Variants in ANKS1B observed in about 807,000 individuals in gnomAD.
ANKS1B encodes ankyrin repeat and sterile alpha motif domain containing 1B.
In ANKS1B, 36 loss-of-function variants were observed where a neutral mutation model predicts 148.3. That is an observed-to-expected ratio of 0.24 (90% CI 0.19 to 0.32). The LOEUF is 0.32. Ranked by LOEUF, ANKS1B falls within the 10% of genes least tolerant of loss-of-function variation. ANKS1B has a pLI of 1.00. For missense variants in ANKS1B, 1,157 were observed against 1,542.6 expected (o/e 0.75, Z 4.19); for synonymous variants, 542 against 560.8 (o/e 0.97, Z 0.47).
At chr12:99,248,270 C>T (rs772516040) in intron 12 of ANKS1B, among the ~76,000 whole-genome samples, 3 of 152,178 alleles carry the variant, frequency 2.0e-5, no homozygotes, top group Non-Finnish European at 4.4e-5. Flanking sequence ...TACTGCTCTC[C>T]GCCTGGGAAC....
chr12:99,456,570 TA>T (rs199944426), intron 10 of ANKS1B, among the ~76,000 whole-genome samples: 1 of 151,514 alleles, frequency 6.6e-6, no homozygotes, highest in African/African-American at 2.4e-5. Context: ...ATAGATAGCA[TA>T]AAAAAAATCA....
In ANKS1B at chr12:99,832,554, A is replaced by G. The variant is rs141278659; in HGVS notation, c.135-7165T>C. ...GCCTGGCCAACATGGCAAAAAAAAC[A>G]CTTTACTCAAAATACAAAAATTAGC... On this transcript the variant is annotated intron_variant, in intron 1 of 26. Transcript: ENST00000683438. 7.8e-3 allele frequency among the ~76,000 whole-genome samples: 1,192 copies of G among 151,928 alleles called. 14 individuals are homozygous for G. Among genetic ancestry groups the G allele is most frequent in the African/African-American group, 0.027 (1,126 of 41,410 alleles).
At chr12:99,229,454 A>G (rs527553479) in intron 14 of ANKS1B, among the ~76,000 whole-genome samples, 1 of 151,976 alleles carries the variant, frequency 6.6e-6, no homozygotes, top group Non-Finnish European at 1.5e-5. Flanking sequence ...CCTATATGTG[A>G]TATTTAATTA....
At chr12:99,526,104 G>C (rs1000609351) in intron 9 of ANKS1B, among the ~76,000 whole-genome samples, 6 of 152,116 alleles carry the variant, frequency 3.9e-5, no homozygotes, top group Non-Finnish European at 8.8e-5. Context: ...ATGAAAGCAA[G>C]ATAACACACC....
At chr12:99,489,997 C>T (rs531379327) in intron 10 of ANKS1B, among the ~76,000 whole-genome samples, 4 of 152,224 alleles carry the variant, frequency 2.6e-5, no homozygotes, top group Non-Finnish European at 5.9e-5. Context: ...AAATATACAG[C>T]TCTGGATGTA....
At chr12:99,685,414 T>C (rs553651193) in intron 8 of ANKS1B, among the ~76,000 whole-genome samples, 2 of 152,094 alleles carry the variant, frequency 1.3e-5, no homozygotes, top group South Asian at 4.2e-4. Context: ...TGGCCATAAT[T>C]AAAAAATTAA....
At chr12:99,015,306 T>C (rs2099941785) in intron 17 of ANKS1B, among the ~76,000 whole-genome samples, 1 of 152,174 alleles carries the variant, frequency 6.6e-6, no homozygotes, top group South Asian at 2.1e-4. Flanking sequence ...TTCTCATTTA[T>C]AAGTGGGAAC....
chr12:99,021,853 T>A (rs189542901), intron 17 of ANKS1B, among the ~76,000 whole-genome samples: 81 of 152,330 alleles, frequency 5.3e-4, no homozygotes, highest in Non-Finnish European at 9.4e-4. Flanking sequence ...ATAAGCTAAA[T>A]AGTACGAAAT....
intron 11 of ANKS1B, among the ~76,000 whole-genome samples, chr12:99,413,331 G>A (rs904230697): frequency 6.6e-6 from 1 of 152,134 alleles, no homozygotes; most frequent in African/African-American, 2.4e-5. Flanking sequence ...CACAAATCTA[G>A]TGAATTTCAA....
At chr12:98,833,797 C>T (rs1418101546) in intron 17 of ANKS1B, among the ~76,000 whole-genome samples, 1 of 152,092 alleles carries the variant, frequency 6.6e-6, no homozygotes, top group South Asian at 2.1e-4. Context: ...TCGTTATGCC[C>T]ATGAGTACTC....
chr12:99,700,506 C>T (rs1351459263), intron 8 of ANKS1B, among the ~76,000 whole-genome samples: 6 of 152,144 alleles, frequency 3.9e-5, no homozygotes, highest in South Asian at 2.1e-4. Flanking sequence ...AACAACAAAG[C>T]GAGCACGAAT....
chr12:99,024,499 C>G (rs2099947610), intron 17 of ANKS1B, among the ~76,000 whole-genome samples: 1 of 152,078 alleles, frequency 6.6e-6, no homozygotes, highest in Non-Finnish European at 1.5e-5. Flanking sequence ...TTGAGAATTT[C>G]TCTGGGATGT....
intron 9 of ANKS1B, among the ~76,000 whole-genome samples, chr12:99,581,738 A>C (rs2097571527): frequency 6.6e-6 from 1 of 151,778 alleles, no homozygotes; most frequent in South Asian, 2.1e-4. Context: ...AAAATACAAA[A>C]AAATTAGCCG....
intron 12 of ANKS1B, among the ~76,000 whole-genome samples, chr12:99,302,613 G>A (rs1052209240): frequency 1.3e-5 from 2 of 152,026 alleles, no homozygotes; most frequent in Admixed American, 1.3e-4. Context: ...TTATTATAGT[G>A]GCTTGAAAGA....
At chr12:99,531,277 T>C (rs540442031) in intron 9 of ANKS1B, among the ~76,000 whole-genome samples, 37 of 152,350 alleles carry the variant, frequency 2.4e-4, no homozygotes, top group South Asian at 8.3e-4. Flanking sequence ...TGTTGTAGTA[T>C]ACATTTTTAT....
At chr12:99,078,552 G>A (rs529101678) in intron 16 of ANKS1B, among the ~76,000 whole-genome samples, 1 of 152,252 alleles carries the variant, frequency 6.6e-6, no homozygotes, top group East Asian at 1.9e-4. Context: ...AGTGGCAGTA[G>A]CAAAGGTGGC....
At chr12:99,814,052 G>A (rs1472012844) in intron 2 of ANKS1B, among the ~76,000 whole-genome samples, 1 of 151,562 alleles carries the variant, frequency 6.6e-6, no homozygotes, top group Non-Finnish European at 1.5e-5. Flanking sequence ...TGTTAAAATT[G>A]CCTACAGTAT....
At chr12:99,661,460 C>A (rs923161681) in intron 8 of ANKS1B, among the ~76,000 whole-genome samples, 1 of 152,204 alleles carries the variant, frequency 6.6e-6, no homozygotes, top group African/African-American at 2.4e-5. Context: ...GAAGTAAATT[C>A]TCTTCTTTCC....
chr12:99,348,057 A>T (rs573193227), intron 12 of ANKS1B, among the ~76,000 whole-genome samples: 1 of 152,164 alleles, frequency 6.6e-6, no homozygotes, highest in East Asian at 1.9e-4. Flanking sequence ...AAATAAAAAA[A>T]TCTCTAGAAG....
Sources: gnomAD v4.1 joint callset for allele counts (sites outside exome capture counted in the v4.1 genomes callset) on GRCh38, gnomAD v4.1.1 for gene constraint, MANE v1.5 for transcripts, NCBI Gene and HGNC (gene_info 2026-07-23, HGNC 2026-07-21) for gene names.